Variants in HS6ST3 observed in about 807,000 individuals in gnomAD.
The protein encoded by HS6ST3 is heparan sulfate 6-O-sulfotransferase 3, also known as heparan-sulfate 6-O-sulfotransferase 3.
A neutral mutation model predicts 36.7 loss-of-function variants in HS6ST3; 12 were observed. The observed-to-expected ratio is 0.33, with a 90% CI of 0.21 to 0.53. The LOEUF is 0.53. HS6ST3 is among the 20% of genes least tolerant of loss of function. HS6ST3 has a pLI of 0.95. For missense variants in HS6ST3, 584 were observed against 640.9 expected (o/e 0.91, Z 0.96); for synonymous variants, 240 against 257.5 (o/e 0.93, Z 0.65).
intron 1 of HS6ST3, among the ~76,000 whole-genome samples, chr13:96,619,838 G>A (rs577004792): frequency 1.3e-5 from 2 of 152,226 alleles, no homozygotes; most frequent in East Asian, 3.9e-4. Flanking sequence ...TCCTTTTTGG[G>A]TAGGTTGGAC....
chr13:96,368,754 A>G (rs546118485), intron 1 of HS6ST3, among the ~76,000 whole-genome samples: 1 of 152,228 alleles, frequency 6.6e-6, no homozygotes, highest in South Asian at 2.1e-4. Context: ...TTCTGGATTC[A>G]TAAGGGAAAG....
chr13:96,259,199 C>T (rs2054652473), intron 1 of HS6ST3, among the ~76,000 whole-genome samples: 1 of 152,042 alleles, frequency 6.6e-6, no homozygotes. Context: ...GGTGTCCTTG[C>T]ACTTGTGCAC....
At chr13:96,501,711 A>G (rs889293248) in intron 1 of HS6ST3, among the ~76,000 whole-genome samples, 4 of 152,242 alleles carry the variant, frequency 2.6e-5, no homozygotes, top group Admixed American at 1.3e-4. Context: ...TGAGCTATTG[A>G]TCTTCTAATT....
chr13:96,612,508 C>T (rs1197856186), intron 1 of HS6ST3, among the ~76,000 whole-genome samples: 1 of 152,128 alleles, frequency 6.6e-6, no homozygotes, highest in African/African-American at 2.4e-5. Flanking sequence ...CCAAGCTTTT[C>T]ACCCTAATCC....
chr13:96,481,617 C>G (rs960435309), intron 1 of HS6ST3, among the ~76,000 whole-genome samples: 1 of 152,154 alleles, frequency 6.6e-6, no homozygotes, highest in Admixed American at 6.5e-5. Flanking sequence ...GTTGCCTTCC[C>G]CAGATGCCTT....
At chr13:96,416,050 C>T (rs1275704857) in intron 1 of HS6ST3, among the ~76,000 whole-genome samples, 1 of 152,186 alleles carries the variant, frequency 6.6e-6, no homozygotes, top group African/African-American at 2.4e-5. Context: ...AGAAAAGCCA[C>T]ACCACAGCCT....
At chr13:96,614,319 AAAAAAAAAAC>A (rs1566411752) in intron 1 of HS6ST3, among the ~76,000 whole-genome samples, 13 of 148,722 alleles carry the variant, frequency 8.7e-5, no homozygotes, top group African/African-American at 3.3e-4. Context: ...AAAAAAAAAA[AAAAAAAAAAC>A]AGTTATTACC....
intron 1 of HS6ST3, among the ~76,000 whole-genome samples, chr13:96,313,969 G>A (rs1015430656): frequency 2.0e-5 from 3 of 152,172 alleles, no homozygotes; most frequent in Non-Finnish European, 4.4e-5. Flanking sequence ...GGGAAACCAA[G>A]GCGGGTGGAA....
At chr13:96,165,076 A>T (rs915208948) in intron 1 of HS6ST3, among the ~76,000 whole-genome samples, 44 of 152,310 alleles carry the variant, frequency 2.9e-4, no homozygotes, top group Admixed American at 2.9e-3. Context: ...CATACCTCTT[A>T]TTAACAAAAA....
At chr13:96,385,929 G>A (rs1484029673) in intron 1 of HS6ST3, among the ~76,000 whole-genome samples, 1 of 152,112 alleles carries the variant, frequency 6.6e-6, no homozygotes. Context: ...ATCTAGGCCT[G>A]GGCTCTTACT....
intron 1 of HS6ST3, among the ~76,000 whole-genome samples, chr13:96,391,503 A>G (rs576859510): frequency 1.8e-4 from 28 of 152,230 alleles, no homozygotes; most frequent in African/African-American, 6.7e-4. Context: ...TTCAGCTCTC[A>G]TACTATAGAT....
chr13:96,167,342 T>A (rs2054165953), intron 1 of HS6ST3, among the ~76,000 whole-genome samples: 1 of 152,180 alleles, frequency 6.6e-6, no homozygotes, highest in Admixed American at 6.5e-5. Context: ...AACTCATCTT[T>A]TTTTCCCCTC....
At chr13:96,618,211 C>A (rs1178085092) in intron 1 of HS6ST3, among the ~76,000 whole-genome samples, 2 of 152,276 alleles carry the variant, frequency 1.3e-5, no homozygotes, top group Non-Finnish European at 2.9e-5. Context: ...GTAATCCTTT[C>A]TCACAGCCTC....
chr13:96,274,370 C>G (rs2139390164), intron 1 of HS6ST3, among the ~76,000 whole-genome samples: 1 of 152,036 alleles, frequency 6.6e-6, no homozygotes, highest in East Asian at 2.0e-4. Context: ...CCTGTAGGAC[C>G]AAGGCAGTTT....
chr13:96,376,279 A>G (rs2055314397), intron 1 of HS6ST3, among the ~76,000 whole-genome samples: 1 of 152,216 alleles, frequency 6.6e-6, no homozygotes, highest in South Asian at 2.1e-4. Flanking sequence ...CTTTTCATGA[A>G]AAGTGCTTTT....
At chr13:96,339,203 C>G (rs909737098) in intron 1 of HS6ST3, among the ~76,000 whole-genome samples, 3 of 152,252 alleles carry the variant, frequency 2.0e-5, no homozygotes, top group Middle Eastern at 3.4e-3. Context: ...AAATGACACA[C>G]AAGAACAATT....
rs536512050 is a variant in HS6ST3 at position 96,735,709 on chromosome 13, G to A, written c.708-96781G>A. Among the ~76,000 whole-genome samples the A allele has an allele frequency of 2.3e-4, 35 of 152,210 alleles. 1 individual carries two copies. In the South Asian group the frequency reaches 7.1e-3, roughly 31 times the overall value. On this transcript the variant is annotated intron_variant, in intron 1 of 1. Transcript: ENST00000376705. ...TCATATACTAAGCAATTAAAAATGA[G>A]TAAAATCAGTACAAGTGGAGCTAAG...
intron 1 of HS6ST3, among the ~76,000 whole-genome samples, chr13:96,495,988 C>T (rs899319770): frequency 6.6e-6 from 1 of 152,182 alleles, no homozygotes; most frequent in Non-Finnish European, 1.5e-5. Flanking sequence ...GCCTCAACCC[C>T]GTGTTAATTG....
chr13:96,461,614 A>G (rs1328690210), intron 1 of HS6ST3, among the ~76,000 whole-genome samples: 2 of 152,224 alleles, frequency 1.3e-5, no homozygotes, highest in Non-Finnish European at 2.9e-5. Flanking sequence ...AAAAGGTTGA[A>G]TCTGAAGAGG....
Sources: allele counts gnomAD v4.1 joint callset (sites outside exome capture counted in the v4.1 genomes callset), GRCh38; gene constraint gnomAD v4.1.1; transcripts MANE v1.5; gene names NCBI Gene and HGNC (gene_info 2026-07-23, HGNC 2026-07-21).